Variants in ARHGAP32 observed in about 807,000 individuals in gnomAD.
The protein encoded by ARHGAP32 is Rho GTPase activating protein 32.
Under a neutral mutation model 186.5 loss-of-function variants are expected in ARHGAP32, and 51 were observed. The observed-to-expected ratio is 0.27, with a 90% CI of 0.22 to 0.35. The LOEUF is 0.35. Ranked by LOEUF, ARHGAP32 falls within the 10% of genes least tolerant of loss-of-function variation. The probability of loss-of-function intolerance (pLI) is 1.00; values close to 1 mark genes in which losing one functional copy is unlikely to be tolerated. For synonymous variants in ARHGAP32, 950 were observed against 964.3 expected (o/e 0.99, Z 0.27); for missense variants, 2,186 against 2,623.5 (o/e 0.83, Z 3.64).
At chr11:129,246,654 G>A (rs1015119132) in intron 1 of ARHGAP32, among the ~76,000 whole-genome samples, 2 of 152,156 alleles carry the variant, frequency 1.3e-5, no homozygotes, top group East Asian at 3.9e-4. Flanking sequence ...CTCTCCCATA[G>A]CAGTAGACTA....
rs1413595519 is a variant in ARHGAP32, at chr11:129,192,129, T to TTA, written c.68_69dup (p.Ile24Ter). 6.2e-7 allele frequency: 1 copy of TTA among 1,613,826 alleles called. No homozygotes were observed. The stretch of plus-strand genomic sequence containing the variant: ...TCCTCTTCACAGTCAGTCACCTGGA[T>TTA]TATAACTTCAGACTCCAACCAGAAG... On this transcript the variant is annotated frameshift_variant, in exon 1 of 23. Coordinates refer to ENST00000682385, the MANE Select transcript of ARHGAP32 (RefSeq NM_001378024.1). LOFTEE classifies it high-confidence loss of function.
intron 5 of ARHGAP32, among the ~76,000 whole-genome samples, chr11:129,095,635 C>G (rs1453400877): frequency 1.3e-5 from 2 of 152,184 alleles, no homozygotes; most frequent in Non-Finnish European, 2.9e-5. Context: ...TGAAGGCACT[C>G]AGGACACTCA....
At chr11:128,976,915 C>A (rs367955734) in intron 19 of ARHGAP32, among the ~76,000 whole-genome samples, 2 of 152,168 alleles carry the variant, frequency 1.3e-5, no homozygotes, top group East Asian at 3.8e-4. Flanking sequence ...AACTAAGATG[C>A]TTCTTTCTTT....
intron 1 of ARHGAP32, among the ~76,000 whole-genome samples, chr11:129,248,257 C>G (rs1945131093): frequency 6.6e-6 from 1 of 151,600 alleles, no homozygotes; most frequent in South Asian, 2.1e-4. Flanking sequence ...TCTGATCCAG[C>G]CTATCTGACC....
At chr11:129,173,937 G>A (rs147351142) in intron 1 of ARHGAP32, among the ~76,000 whole-genome samples, 1 of 152,306 alleles carries the variant, frequency 6.6e-6, no homozygotes, top group African/African-American at 2.4e-5. Flanking sequence ...AGAAAGAGGA[G>A]CCAAGATGGC....
Position 128,974,182 on chromosome 11 carries a change from C to G in ARHGAP32, c.3015G>C (p.Glu1005Asp). 1 of 1,614,218 alleles carries G rather than the reference C, an allele frequency of 6.2e-7. No homozygotes were observed. Among genetic ancestry groups the G allele is most frequent in the Middle Eastern group, 1.6e-4 (1 of 6,062 alleles). Residue 1005 changes from glutamate to aspartate, a missense_variant, in exon 21 of 23, where the codon GAG (glutamate) becomes GAC (aspartate). Glu to Asp is a conservative substitution (Grantham distance 45, BLOSUM62 2). Coordinates refer to ENST00000682385, the MANE Select transcript of ARHGAP32 (RefSeq NM_001378024.1). ...TCTGACTGCTTGAGACAGACTGATCCTCTTTCCCTGGCAATTCTACTTCTT... is the reference window on the plus strand; with the variant it reads ...TCTGACTGCTTGAGACAGACTGATCGTCTTTCCCTGGCAATTCTACTTCTT... Reference protein sequence around the residue: ...AAEEVELPGKEDQSVSSSQSK... With the variant: ...AAEEVELPGKDDQSVSSSQSK...
intron 2 of ARHGAP32, among the ~76,000 whole-genome samples, chr11:129,137,958 A>C (rs926415274): frequency 8.5e-5 from 13 of 152,060 alleles, no homozygotes; most frequent in African/African-American, 3.1e-4. Context: ...AGGAGGTAGA[A>C]TATCACAGGG....
chr11:129,220,255 G>A (rs1944695845), intron 1 of ARHGAP32, among the ~76,000 whole-genome samples: 1 of 152,082 alleles, frequency 6.6e-6, no homozygotes, highest in South Asian at 2.1e-4. Context: ...GGAGCACAGA[G>A]AATGTGGGAG....
intron 11 of ARHGAP32, among the ~76,000 whole-genome samples, chr11:129,001,004 C>T (rs1041744774): frequency 6.6e-6 from 1 of 151,872 alleles, no homozygotes; most frequent in African/African-American, 2.4e-5. Context: ...TGTATATGTA[C>T]CACATTTTCT....
intron 5 of ARHGAP32, among the ~76,000 whole-genome samples, chr11:129,121,603 C>T (rs1293235653): frequency 6.6e-6 from 1 of 152,058 alleles, no homozygotes; most frequent in African/African-American, 2.4e-5. Context: ...TCAATCAATA[C>T]AATCCTGAAA....
At chr11:129,172,227 G>C (rs1047362821) in intron 1 of ARHGAP32, among the ~76,000 whole-genome samples, 2 of 152,142 alleles carry the variant, frequency 1.3e-5, no homozygotes, top group African/African-American at 4.8e-5. Flanking sequence ...TGGTGAGAGA[G>C]GGCACCCTTG....
At chr11:129,205,753 G>A (rs1399506491) in intron 1 of ARHGAP32, among the ~76,000 whole-genome samples, 1 of 152,004 alleles carries the variant, frequency 6.6e-6, no homozygotes, top group East Asian at 1.9e-4. Context: ...TTCTGGAAAA[G>A]GAAACAAAAT....
chr11:129,236,522 T>C (rs1167899695), intron 1 of ARHGAP32, among the ~76,000 whole-genome samples: 1 of 152,224 alleles, frequency 6.6e-6, no homozygotes, highest in Non-Finnish European at 1.5e-5. Context: ...CTGTAGGTTG[T>C]CTGTTTGCTG....
chr11:129,180,432 A>G (rs1295005827), intron 1 of ARHGAP32, among the ~76,000 whole-genome samples: 2 of 152,148 alleles, frequency 1.3e-5, no homozygotes, highest in African/African-American at 4.8e-5. Context: ...CTGGGTATAT[A>G]TTTTGTATAA....
At chr11:129,188,935 G>A (rs532618727) in intron 1 of ARHGAP32, among the ~76,000 whole-genome samples, 1 of 152,150 alleles carries the variant, frequency 6.6e-6, no homozygotes, top group African/African-American at 2.4e-5. Context: ...TATTAGGGAA[G>A]TCTAAACAAA....
intron 12 of ARHGAP32, 37 bp from the exon 13 acceptor site, chr11:128,988,162 G>C (rs1591504791): frequency 6.8e-7 from 1 of 1,476,468 alleles, no homozygotes; most frequent in Non-Finnish European, 9.4e-7. Context: ...TGAAATTGTA[G>C]TATTCACTGG....
chr11:129,197,023 C>T (rs376061328), upstream of ARHGAP32, among the ~76,000 whole-genome samples: 1 of 152,094 alleles, frequency 6.6e-6, no homozygotes. Flanking sequence ...CGCCACTGCA[C>T]TTCAGCCTGG....
intron 1 of ARHGAP32, among the ~76,000 whole-genome samples, chr11:129,271,134 T>G (rs1945467139): frequency 6.6e-6 from 1 of 152,208 alleles, no homozygotes; most frequent in Non-Finnish European, 1.5e-5. Context: ...AGCAGAATGA[T>G]ACGATCTGAT....
intron 5 of ARHGAP32, among the ~76,000 whole-genome samples, chr11:129,103,993 C>T (rs1183447982): frequency 6.6e-6 from 1 of 151,970 alleles, no homozygotes; most frequent in Non-Finnish European, 1.5e-5. Context: ...CTATAAAACA[C>T]CTAACATCTC....
Sources: allele counts gnomAD v4.1 joint callset (sites outside exome capture counted in the v4.1 genomes callset), GRCh38; gene constraint gnomAD v4.1.1; transcripts MANE v1.5; gene names NCBI Gene and HGNC (gene_info 2026-07-23, HGNC 2026-07-21).